Variants in DENND2B observed in about 807,000 individuals in gnomAD.
DENND2B encodes the protein DENN domain containing 2B.
DENND2B carries 32 observed loss-of-function variants against 116.0 expected under a neutral mutation model. The ratio of observed to expected loss-of-function variants is 0.28; its 90% CI spans 0.21 to 0.37. DENND2B has a LOEUF of 0.37. DENND2B is among the 10% of genes least tolerant of loss of function. The probability of loss-of-function intolerance (pLI) is 1.00; values close to 1 mark genes in which losing one functional copy is unlikely to be tolerated. For missense variants in DENND2B, 1,276 were observed against 1,477.7 expected (o/e 0.86, Z 2.24); for synonymous variants, 588 against 583.9 (o/e 1.01, Z -0.10).
intron 3 of DENND2B, among the ~76,000 whole-genome samples, chr11:8,849,280 G>T (rs1049327087): frequency 6.6e-6 from 1 of 151,718 alleles, no homozygotes; most frequent in Admixed American, 6.6e-5. Context: ...ATAGCCTGAG[G>T]TAAGGAGTTC....
At chr11:8,776,305 C>T (rs1444087476) in intron 1 of DENND2B, 3 of 448,582 alleles carry the variant, frequency 6.7e-6, no homozygotes, top group East Asian at 6.9e-5. Flanking sequence ...TTCCTCTCTG[C>T]TTATCCAACT....
At chr11:8,867,674 G>A (rs2063632725) in intron 2 of DENND2B, among the ~76,000 whole-genome samples, 1 of 149,700 alleles carries the variant, frequency 6.7e-6, no homozygotes, top group Non-Finnish European at 1.5e-5. Context: ...AACCTCCTGG[G>A]CTCAAGTGAT....
intron 2 of DENND2B, among the ~76,000 whole-genome samples, chr11:8,749,268 C>A (rs2051887030): frequency 6.6e-6 from 1 of 152,340 alleles, no homozygotes; most frequent in East Asian, 1.9e-4. Context: ...GTTTCTCCAC[C>A]TGCTTTGCCC....
intron 2 of DENND2B, among the ~76,000 whole-genome samples, chr11:8,879,656 A>G (rs146598001): frequency 6.6e-6 from 1 of 152,330 alleles, no homozygotes; most frequent in Non-Finnish European, 1.5e-5. Flanking sequence ...TTTAAAGAAT[A>G]AAATATTTGT....
chr11:8,772,103 G>A (rs2056994107), intron 1 of DENND2B, among the ~76,000 whole-genome samples: 1 of 149,176 alleles, frequency 6.7e-6, no homozygotes, highest in Non-Finnish European at 1.5e-5. Context: ...GGAGGGTGGT[G>A]CACCCTGAGA....
chr11:8,829,820 G>A (rs149335557), intron 4 of DENND2B, among the ~76,000 whole-genome samples: 39 of 152,224 alleles, frequency 2.6e-4, no homozygotes, highest in Non-Finnish European at 5.0e-4. Flanking sequence ...ATAAAACAGA[G>A]CCAGACTAGA....
chr11:8,789,882 A>C (rs966365666), intron 1 of DENND2B, among the ~76,000 whole-genome samples: 3 of 152,200 alleles, frequency 2.0e-5, no homozygotes, highest in African/African-American at 7.2e-5. Flanking sequence ...AACTAAAACT[A>C]TCCAAGAAGA....
chr11:8,696,840 A>G (rs1447523226), intron 17 of DENND2B, among the ~76,000 whole-genome samples, 174 bp from the exon 18 acceptor site: 2 of 152,160 alleles, frequency 1.3e-5, no homozygotes, highest in South Asian at 2.1e-4. Flanking sequence ...TTAGAGTGCA[A>G]TGGCGCCATC....
At chr11:8,849,228 C>T (rs1044375540) in intron 3 of DENND2B, among the ~76,000 whole-genome samples, 1 of 152,108 alleles carries the variant, frequency 6.6e-6, no homozygotes, top group Non-Finnish European at 1.5e-5. Context: ...CGCGGTGGCT[C>T]ACACCTGTAA....
At chr11:8,855,665 A>C (rs1213653299) in intron 3 of DENND2B, among the ~76,000 whole-genome samples, 3 of 152,014 alleles carry the variant, frequency 2.0e-5, no homozygotes, top group Admixed American at 2.0e-4. Context: ...TTGGGATTAC[A>C]TGGCAACAGA....
At chr11:8,874,883 C>T (rs1242247151), upstream of DENND2B, among the ~76,000 whole-genome samples, 1 of 152,104 alleles carries the variant, frequency 6.6e-6, no homozygotes, top group Non-Finnish European at 1.5e-5. Context: ...TATGATTGCA[C>T]CACTGCACTT....
intron 4 of DENND2B, among the ~76,000 whole-genome samples, chr11:8,836,957 C>A (rs1214801972): frequency 1.3e-5 from 2 of 152,222 alleles, no homozygotes; most frequent in Non-Finnish European, 2.9e-5. Context: ...ATCAAGTGAT[C>A]TGTCTGTCTT....
chr11:8,818,704 T>C (rs1416109952), intron 4 of DENND2B, among the ~76,000 whole-genome samples: 2 of 152,234 alleles, frequency 1.3e-5, no homozygotes, highest in Admixed American at 6.5e-5. Context: ...CTAGCTGTAA[T>C]ATTCTTTAGA....
intron 18 of DENND2B, 106 bp from the exon 19 acceptor site, chr11:8,695,655 G>T (rs2040225851): frequency 1.1e-6 from 1 of 930,990 alleles, no homozygotes; most frequent in Non-Finnish European, 1.7e-6. Flanking sequence ...AAAGGAGAAA[G>T]AAAACATCTG....
At chr11:8,888,749 G>C (rs2063990336) in intron 1 of DENND2B, among the ~76,000 whole-genome samples, 1 of 152,064 alleles carries the variant, frequency 6.6e-6, no homozygotes, top group Admixed American at 6.6e-5. Flanking sequence ...ATTCGAAAAT[G>C]GGCAGAGAAC....
chr11:8,775,790 G>T (rs139383766), intron 1 of DENND2B, among the ~76,000 whole-genome samples: 1 of 152,254 alleles, frequency 6.6e-6, no homozygotes, highest in East Asian at 1.9e-4. Context: ...CTAGTTTACT[G>T]CAATGGTCTC....
intron 1 of DENND2B, among the ~76,000 whole-genome samples, chr11:8,801,781 A>T (rs1038150059): frequency 6.6e-6 from 1 of 151,256 alleles, no homozygotes; most frequent in African/African-American, 2.4e-5. Context: ...AGGTGGGCGG[A>T]TCACTTGAGC....
At chr11:8,714,303 C>T (rs1272934809) in intron 7 of DENND2B, among the ~76,000 whole-genome samples, 1 of 152,230 alleles carries the variant, frequency 6.6e-6, no homozygotes, top group African/African-American at 2.4e-5. Flanking sequence ...GAGGGGCCTA[C>T]AGGCCTGGAA....
intron 2 of DENND2B, 52 bp downstream of exon 2, chr11:8,750,569 C>G (rs2052189383): frequency 2.0e-6 from 3 of 1,512,248 alleles, no homozygotes; most frequent in African/African-American, 2.7e-5. Context: ...AGGGATCCCA[C>G]CCAGGACCTA....
Sources: allele counts gnomAD v4.1 joint callset (sites outside exome capture counted in the v4.1 genomes callset), GRCh38; gene constraint gnomAD v4.1.1; transcripts MANE v1.5; gene names NCBI Gene and HGNC (gene_info 2026-07-23, HGNC 2026-07-21).